The following AKR1C3 variants were observed in gnomAD, a reference collection of about 807,000 sequenced individuals.
AKR1C3 encodes the protein aldo-keto reductase family 1 member C3, also known as 3-alpha hydroxysteroid dehydrogenase, type II.
In AKR1C3, 48 loss-of-function variants were observed where a neutral mutation model predicts 43.6. That is an observed-to-expected ratio of 1.10 (90% CI 0.87 to 1.40). The LOEUF (loss-of-function observed/expected upper bound fraction) is 1.40, where lower values mean the gene tolerates loss of function less well. Among genes scored for constraint, AKR1C3 ranks in the 40% most tolerant of loss-of-function variants. AKR1C3 has a pLI of 0.00. For synonymous variants in AKR1C3, 162 were observed against 139.6 expected, an observed-to-expected ratio of 1.16 and a Z score of -1.13; for missense variants, 482 against 391.2, an observed-to-expected ratio of 1.23 and a Z score of -1.96.
intron 1 of AKR1C3, among the ~76,000 whole-genome samples, chr10:5,085,980 G>T (rs1391672146): frequency 6.6e-6 from 1 of 151,332 alleles, no homozygotes; most frequent in African/African-American, 2.4e-5. Flanking sequence ...TTTTTTATTA[G>T]TCTTGCTAGC....
At position 5,102,501 on chromosome 10, in the gene AKR1C3, C is replaced by G. The variant is rs1387321078; in HGVS notation, c.697C>G (p.Pro233Ala). 1.5e-5 allele frequency: 23 copies of G among 1,559,984 alleles called. No homozygotes were observed. The highest frequency in any genetic ancestry group is 2.0e-5 in the Non-Finnish European group (23 of 1,155,986). ...TCCTTCCAGGGTGGACCCGAACTCC[C>G]CGGTGCTCTTGGAGGACCCAGTCCT... ...RDKRWVDPNS[P>A]VLLEDPVLCA... The change falls in exon 7 of 9, where the codon CCG becomes GCG. Residue 233 changes from proline (P) to alanine (A), a missense_variant. Pro to Ala is a conservative substitution (Grantham distance 27, BLOSUM62 -1). Coordinates refer to ENST00000380554, the MANE Select transcript of AKR1C3 (RefSeq NM_003739.6).
chr10:5,076,829 G>C (rs782546531), intron 1 of AKR1C3, among the ~76,000 whole-genome samples: 29 of 152,140 alleles, frequency 1.9e-4, no homozygotes, highest in Non-Finnish European at 3.2e-4. Flanking sequence ...CCCAGCCAAA[G>C]GAGCACTGCC....
intron 1 of AKR1C3, among the ~76,000 whole-genome samples, chr10:5,072,894 T>C (rs1389865362): frequency 1.3e-5 from 2 of 152,228 alleles, no homozygotes; most frequent in Non-Finnish European, 2.9e-5. Flanking sequence ...CTTTCTGTCT[T>C]TGTAATCTCT....
chr10:5,089,308 T>C (rs1480677712), intron 1 of AKR1C3, among the ~76,000 whole-genome samples: 2 of 152,104 alleles, frequency 1.3e-5, no homozygotes, highest in African/African-American at 4.8e-5. Flanking sequence ...ATAAAGAAAA[T>C]ATTTCTGCAT....
chr10:5,051,948 A>T (rs531126405), intron 1 of AKR1C3, among the ~76,000 whole-genome samples: 4 of 152,238 alleles, frequency 2.6e-5, no homozygotes, highest in African/African-American at 9.6e-5. Context: ...CTCAAAAAGG[A>T]TGATTTGCTT....
At chr10:5,072,653 T>C (rs553766879) in intron 1 of AKR1C3, among the ~76,000 whole-genome samples, 2 of 152,222 alleles carry the variant, frequency 1.3e-5, no homozygotes, top group Non-Finnish European at 2.9e-5. Context: ...AACTGCCTGC[T>C]TGTCATAAAG....
At chr10:5,066,140 G>A (rs111554841) in intron 1 of AKR1C3, among the ~76,000 whole-genome samples, 6,032 of 152,182 alleles carry the variant, frequency 0.04, 411 homozygotes, top group African/African-American at 0.14. Context: ...CTATGCTGTC[G>A]AGAATGTTTG....
At chr10:5,103,272 G>A (rs1033958879) in intron 7 of AKR1C3, among the ~76,000 whole-genome samples, 7 of 151,892 alleles carry the variant, frequency 4.6e-5, no homozygotes, top group African/African-American at 9.7e-5. Context: ...CCATTTCTTC[G>A]TACGCTCAGT....
chr10:5,097,047 C>G (rs1364059296), intron 2 of AKR1C3, among the ~76,000 whole-genome samples: 1 of 152,110 alleles, frequency 6.6e-6, no homozygotes, highest in African/African-American at 2.4e-5. Flanking sequence ...TTTTACCCCC[C>G]TTTTATGTTG....
chr10:5,085,445 A>T (rs1838942260), intron 1 of AKR1C3, among the ~76,000 whole-genome samples: 1 of 151,040 alleles, frequency 6.6e-6, no homozygotes. Flanking sequence ...TATGGTGGAT[A>T]AGCTTTTTGA....
chr10:5,082,107 T>A (rs1366004795), intron 1 of AKR1C3, among the ~76,000 whole-genome samples: 2 of 152,184 alleles, frequency 1.3e-5, no homozygotes, highest in Non-Finnish European at 2.9e-5. Context: ...AGTTTTACTG[T>A]CTAGATTGAG....
intron 1 of AKR1C3, among the ~76,000 whole-genome samples, chr10:5,057,611 C>A (rs1297076647): frequency 2.0e-5 from 3 of 152,178 alleles, no homozygotes; most frequent in Non-Finnish European, 4.4e-5. Context: ...TGGTGGACAT[C>A]ATTGAATAAT....
intron 5 of AKR1C3, among the ~76,000 whole-genome samples, chr10:5,100,865 T>C (rs558159448): frequency 6.6e-6 from 1 of 152,212 alleles, no homozygotes; most frequent in African/African-American, 2.4e-5. Context: ...GTTAACACTT[T>C]GCCACATTGC....
At chr10:5,081,574 A>G (rs1008030629) in intron 1 of AKR1C3, 1 of 152,238 alleles carries the variant, frequency 6.6e-6, no homozygotes, top group Non-Finnish European at 1.5e-5. Context: ...CTCTCAGTAC[A>G]TCGTTCAACT....
At chr10:5,070,531 T>G (rs1045782153) in intron 1 of AKR1C3, among the ~76,000 whole-genome samples, 1 of 152,120 alleles carries the variant, frequency 6.6e-6, no homozygotes, top group Non-Finnish European at 1.5e-5. Context: ...AAGGGTGAAG[T>G]GAGGTTACAA....
intron 2 of AKR1C3, 102 bp downstream of exon 2, chr10:5,096,679 C>T (rs1482448596): frequency 1.6e-5 from 24 of 1,465,830 alleles, no homozygotes; most frequent in Non-Finnish European, 2.2e-5. Flanking sequence ...AATTTTGCTT[C>T]TGGGTTCAAA....
chr10:5,094,178 A>ATAATACTTTAGATAGAAAT (rs1839156974), upstream of AKR1C3: 2 of 235,842 alleles, frequency 8.5e-6, no homozygotes, highest in South Asian at 5.9e-5. Context: ...AGAATAGAAA[A>ATAATACTTTAGATAGAAAT]TAATACTTTA....
At chr10:5,090,736 G>A (rs1185837453), upstream of AKR1C3, among the ~76,000 whole-genome samples, 1 of 152,064 alleles carries the variant, frequency 6.6e-6, no homozygotes, top group East Asian at 1.9e-4. Flanking sequence ...ACTGTGTTGG[G>A]CAATTTTCCA....
intron 1 of AKR1C3, among the ~76,000 whole-genome samples, chr10:5,076,404 GTCTCTCTC>G (rs10612196): frequency 2.0e-5 from 3 of 150,652 alleles, no homozygotes; most frequent in East Asian, 2.0e-4. Flanking sequence ...TGTTCTCTCT[GTCTCTCTC>G]TCTCTCTCTC....
Sources: allele counts gnomAD v4.1 joint callset (sites outside exome capture counted in the v4.1 genomes callset), GRCh38; gene constraint gnomAD v4.1.1; transcripts MANE v1.5; gene names NCBI Gene and HGNC (gene_info 2026-07-23, HGNC 2026-07-21).